The following OSBPL10 variants were observed in gnomAD, a reference collection of about 807,000 sequenced individuals.
The protein encoded by OSBPL10 is oxysterol-binding protein-related protein 10.
OSBPL10 carries 49 observed loss-of-function variants against 81.7 expected under a neutral mutation model. The observed-to-expected ratio is 0.60, with a 90% CI of 0.48 to 0.76. The LOEUF (loss-of-function observed/expected upper bound fraction) is 0.76. OSBPL10 is among the 30% of genes least tolerant of loss of function. OSBPL10 has a pLI of 0.00. For missense variants in OSBPL10, 923 were observed against 987.8 expected (o/e 0.93, Z 0.88); for synonymous variants, 419 against 383.6 (o/e 1.09, Z -1.08).
At chr3:31,833,900 C>T (rs571866924) in intron 3 of OSBPL10, among the ~76,000 whole-genome samples, 100 of 152,218 alleles carry the variant, frequency 6.6e-4, no homozygotes, top group African/African-American at 2.2e-3. Context: ...ATGTCTAAAA[C>T]CATGATCGTA....
chr3:31,696,587 C>T lies in OSBPL10; in HGVS notation c.1245+5772G>A, dbSNP rs538901222. On this transcript the variant is annotated intron_variant, in intron 7 of 11. Coordinates refer to ENST00000396556, the MANE Select transcript of OSBPL10 (RefSeq NM_017784.5). The stretch of plus-strand genomic sequence containing the variant: ...CTTTCTTCTTGATACTCTCTCTTCA[C>T]GTGGCTTCCACAACATCACACTCCT... Among the ~76,000 whole-genome samples, 5 of 152,394 alleles carry T rather than the reference C, an allele frequency of 3.3e-5. No individual in the cohort carries two copies. In the South Asian group the frequency reaches 1.0e-3, roughly 32 times the overall value.
chr3:31,691,587 G>A (rs185147814), intron 7 of OSBPL10, among the ~76,000 whole-genome samples: 51 of 152,132 alleles, frequency 3.4e-4, no homozygotes, highest in African/African-American at 1.0e-3. Context: ...CAGGTGTGGT[G>A]GTGCAAGCCT....
intron 1 of OSBPL10, among the ~76,000 whole-genome samples, chr3:32,076,951 C>T (rs543739068): frequency 6.6e-6 from 1 of 152,092 alleles, no homozygotes; most frequent in Non-Finnish European, 1.5e-5. Context: ...AAATAAAGCA[C>T]TGATATTATC....
At chr3:31,772,607 T>G (rs568421928) in intron 4 of OSBPL10, among the ~76,000 whole-genome samples, 1 of 152,320 alleles carries the variant, frequency 6.6e-6, no homozygotes, top group East Asian at 1.9e-4. Flanking sequence ...CTTCTTCCAC[T>G]GCACTGCACT....
intron 3 of OSBPL10, among the ~76,000 whole-genome samples, chr3:31,870,938 C>A (rs963447644): frequency 1.3e-5 from 2 of 152,126 alleles, no homozygotes; most frequent in African/African-American, 4.8e-5. Flanking sequence ...TGTGTCTATA[C>A]TCTGTATCTA....
rs746681877 is a variant in OSBPL10, at chr3:31,670,844, C to T, written c.1866G>A (p.Ala622=). 6 of 1,614,164 alleles carry T rather than the reference C, an allele frequency of 3.7e-6. No individual in the cohort carries two copies. Among genetic ancestry groups the T allele is most frequent in the South Asian group, 2.2e-5 (2 of 91,076 alleles). ...AAGGCTTCGTGTGGAATATCACTGT[C>T]GCTGAGTACCCAGTCTTGGCACAGT... ...SINCAKTGYS[A]TVIFHTKPFY... is the part of the protein sequence containing the mutation. Residue 622 remains alanine, a synonymous_variant, in exon 9 of 12, where the codon GCG becomes GCA. Coordinates refer to ENST00000396556, the MANE Select transcript of OSBPL10 (RefSeq NM_017784.5).
chr3:31,768,643 G>A (rs1698270831), intron 4 of OSBPL10, among the ~76,000 whole-genome samples: 1 of 152,058 alleles, frequency 6.6e-6, no homozygotes, highest in Admixed American at 6.6e-5. Context: ...GCAATAAAAG[G>A]TAACCGGCAG....
rs186019922 is a variant in OSBPL10, at chr3:31,934,373, C to T, written c.281+46526G>A. ...AAAGGAAAAGCCCAAAATTTTAAAC[C>T]CAAATTTCATAGTCAAAGACCATCA... On this transcript the variant is annotated intron_variant, in intron 1 of 11. Coordinates refer to ENST00000396556, the MANE Select transcript of OSBPL10 (RefSeq NM_017784.5). 2.2e-3 allele frequency among the ~76,000 whole-genome samples: 337 copies of T among 150,202 alleles called. 2 individuals are homozygous for T. The highest frequency in any genetic ancestry group is 8.0e-3 in the African/African-American group (330 of 41,134).
chr3:31,938,168 G>A (rs1697433690), intron 1 of OSBPL10, among the ~76,000 whole-genome samples: 1 of 151,984 alleles, frequency 6.6e-6, no homozygotes, highest in Non-Finnish European at 1.5e-5. Flanking sequence ...CTCTTCTGAT[G>A]CTCCAATTTG....
chr3:31,821,837 T>G (rs1287531080), intron 4 of OSBPL10, among the ~76,000 whole-genome samples: 1 of 152,226 alleles, frequency 6.6e-6, no homozygotes, highest in Admixed American at 6.5e-5. Context: ...ACCTTAAAAT[T>G]GATCAGCTAA....
intron 5 of OSBPL10, among the ~76,000 whole-genome samples, chr3:31,733,661 G>A (rs374832988): frequency 1.0e-3 from 144 of 141,474 alleles, no homozygotes; most frequent in African/African-American, 3.1e-3. Context: ...AAACAATTGC[G>A]ATTTACCAAA....
At chr3:31,953,088 T>C (rs1028468951) in intron 1 of OSBPL10, among the ~76,000 whole-genome samples, 1 of 151,602 alleles carries the variant, frequency 6.6e-6, no homozygotes, top group East Asian at 2.0e-4. Context: ...CCCACCACCA[T>C]GCCTGGCTAA....
At chr3:31,669,131 G>GA (rs970485477) in intron 9 of OSBPL10, among the ~76,000 whole-genome samples, 3 of 151,978 alleles carry the variant, frequency 2.0e-5, no homozygotes, top group African/African-American at 7.3e-5. Context: ...GGCAATTCAA[G>GA]AAAAAATAAG....
chr3:31,668,494 G>C, intron 10 of OSBPL10, 148 bp downstream of exon 10: 2 of 712,466 alleles, frequency 2.8e-6, no homozygotes, highest in Non-Finnish European at 4.3e-6. Context: ...ACACACAGTA[G>C]AAAATTAAAA....
chr3:32,009,672 A>G (rs1465696506), intron 2 of OSBPL10, among the ~76,000 whole-genome samples: 1 of 152,232 alleles, frequency 6.6e-6, no homozygotes, highest in Non-Finnish European at 1.5e-5. Context: ...GCCCTGCACC[A>G]CATGAGAAGT....
intron 5 of OSBPL10, among the ~76,000 whole-genome samples, chr3:31,746,829 G>A (rs567291623): frequency 2.0e-5 from 3 of 151,382 alleles, no homozygotes; most frequent in South Asian, 2.1e-4. Flanking sequence ...GTTGTGGGGT[G>A]GGGGGGAGGG....
intron 4 of OSBPL10, among the ~76,000 whole-genome samples, chr3:31,783,275 A>G (rs1698751951): frequency 6.6e-6 from 1 of 151,826 alleles, no homozygotes; most frequent in Non-Finnish European, 1.5e-5. Flanking sequence ...CAAACATCAT[A>G]TGTTCTGATT....
At chr3:31,743,133 A>G (rs922712548) in intron 5 of OSBPL10, among the ~76,000 whole-genome samples, 2 of 137,306 alleles carry the variant, frequency 1.5e-5, no homozygotes, top group African/African-American at 5.5e-5. Flanking sequence ...CTCCACCTCC[A>G]GGGTTCAAGC....
intron 1 of OSBPL10, among the ~76,000 whole-genome samples, chr3:31,920,211 T>C (rs1159070008): frequency 2.0e-5 from 3 of 152,204 alleles, no homozygotes; most frequent in Non-Finnish European, 4.4e-5. Context: ...GTGAAAATAT[T>C]CTGTATGATA....
Sources: allele counts gnomAD v4.1 joint callset (sites outside exome capture counted in the v4.1 genomes callset), GRCh38; gene constraint gnomAD v4.1.1; transcripts MANE v1.5; gene names NCBI Gene and HGNC (gene_info 2026-07-23, HGNC 2026-07-21).